Variants in PRKG1 observed in about 807,000 individuals in gnomAD.
The protein encoded by PRKG1 is protein kinase cGMP-dependent 1.
Under a neutral mutation model 88.1 loss-of-function variants are expected in PRKG1, and 35 were observed. The ratio of observed to expected loss-of-function variants is 0.40; its 90% CI spans 0.30 to 0.53. PRKG1 has a LOEUF of 0.53. PRKG1 is among the 20% of genes least tolerant of loss of function. PRKG1 has a pLI of 0.59. For missense variants in PRKG1, 540 were observed against 839.8 expected (o/e 0.64, Z 4.41); for synonymous variants, 303 against 292.5 (o/e 1.04, Z -0.37).
At chr10:52,184,974 C>T (rs1254331559) in intron 9 of PRKG1, 1 of 152,198 alleles carries the variant, frequency 6.6e-6, no homozygotes, top group Non-Finnish European at 1.5e-5. Context: ...AACCACATAT[C>T]AACATTAGAC....
intron 9 of PRKG1, among the ~76,000 whole-genome samples, chr10:52,176,211 A>G (rs1383637700): frequency 1.8e-5 from 2 of 112,900 alleles, no homozygotes; most frequent in Non-Finnish European, 3.5e-5. Flanking sequence ...TGAGAGGTGG[A>G]AGTCTAGTTT....
intron 3 of PRKG1, among the ~76,000 whole-genome samples, chr10:51,606,254 G>A (rs895661607): frequency 6.6e-6 from 1 of 151,948 alleles, no homozygotes; most frequent in Admixed American, 6.6e-5. Flanking sequence ...AGACTAATTG[G>A]GTAACTAGCA....
rs115959273 is a variant in PRKG1, at chr10:52,182,911, G to T, written c.1076+20948G>T. On this transcript the variant is annotated intron_variant, in intron 9 of 17. Coordinates refer to ENST00000373980, the MANE Select transcript of PRKG1 (RefSeq NM_006258.4). ...TTCTACCTGTACAAGTATGGCACTA[G>T]CACCTGCTTAGCTTTTAGTGAGGCC... 4.4e-3 allele frequency among the ~76,000 whole-genome samples: 665 copies of T among 152,302 alleles called. 4 individuals carry two copies. Among genetic ancestry groups the T allele is most frequent in the African/African-American group, 0.015 (629 of 41,566 alleles).
intron 7 of PRKG1, among the ~76,000 whole-genome samples, chr10:52,101,446 A>G (rs1847291498): frequency 6.6e-6 from 1 of 152,184 alleles, no homozygotes. Context: ...CTACTCATAT[A>G]TTGCCTAGGG....
At chr10:51,262,175 T>C (rs1157752133) in intron 2 of PRKG1, among the ~76,000 whole-genome samples, 1 of 152,256 alleles carries the variant, frequency 6.6e-6, no homozygotes, top group African/African-American at 2.4e-5. Context: ...CTTGAGCCAC[T>C]GTGCCCGGCC....
chr10:51,730,992 C>T (rs1309258470), intron 3 of PRKG1, among the ~76,000 whole-genome samples: 3 of 152,026 alleles, frequency 2.0e-5, no homozygotes, highest in Admixed American at 6.6e-5. Context: ...CCTGTCTCTA[C>T]TAAAAATATA....
chr10:51,650,878 T>C (rs1253510472), intron 3 of PRKG1, among the ~76,000 whole-genome samples: 1 of 152,176 alleles, frequency 6.6e-6, no homozygotes, highest in Non-Finnish European at 1.5e-5. Flanking sequence ...AGTTGCCTAC[T>C]GTGTAATCAC....
At chr10:51,601,859 T>C (rs1322217929) in intron 3 of PRKG1, among the ~76,000 whole-genome samples, 1 of 147,186 alleles carries the variant, frequency 6.8e-6, no homozygotes, top group Admixed American at 7.2e-5. Context: ...ATGTTATAAC[T>C]TGAGTGGATT....
intron 2 of PRKG1, among the ~76,000 whole-genome samples, chr10:51,291,964 CTT>C (rs1296819442): frequency 1.3e-5 from 2 of 152,118 alleles, no homozygotes; most frequent in Non-Finnish European, 1.5e-5. Flanking sequence ...ACCTAAAACA[CTT>C]TGATAATTTG....
At chr10:51,355,291 T>A (rs535822329) in intron 2 of PRKG1, among the ~76,000 whole-genome samples, 4 of 152,186 alleles carry the variant, frequency 2.6e-5, no homozygotes, top group Admixed American at 1.3e-4. Flanking sequence ...GACAACACCC[T>A]GGAAATGTTA....
intron 3 of PRKG1, among the ~76,000 whole-genome samples, chr10:51,763,434 T>A (rs10999332): frequency 0.45 from 67,699 of 151,504 alleles, 16,054 homozygotes; most frequent in African/African-American, 0.56. Flanking sequence ...TTAAAAAAAA[T>A]TTTTATAGAG....
intron 2 of PRKG1, among the ~76,000 whole-genome samples, chr10:51,268,816 T>G (rs1839903491): frequency 6.6e-6 from 1 of 152,174 alleles, no homozygotes; most frequent in South Asian, 2.1e-4. Flanking sequence ...GGGGAAGTGA[T>G]AGTTGTCCAT....
rs921467851 is a variant in PRKG1 at position 52,062,520 on chromosome 10, A to G, written c.841-17A>G. On this transcript the variant is annotated splice_polypyrimidine_tract_variant and intron_variant, in intron 6 of 17. Transcript: ENST00000373980. ...GGGTAAGCAGTGGATCTAAACTTTCATTGTTTCTCTTTGCAGGTAAATGTC... is the reference window on the plus strand; with the variant it reads ...GGGTAAGCAGTGGATCTAAACTTTCGTTGTTTCTCTTTGCAGGTAAATGTC... 20 of 1,524,482 alleles carry G rather than the reference A, an allele frequency of 1.3e-5. No individual in the cohort carries two copies. Among genetic ancestry groups the G allele is most frequent in the Non-Finnish European group, 1.5e-5 (17 of 1,124,528 alleles). 94.4% of individuals were successfully genotyped at this position (1,524,482 alleles called of 1,614,324 possible).
At chr10:51,979,423 T>TTG (rs1404621044) in intron 5 of PRKG1, among the ~76,000 whole-genome samples, 3 of 138,010 alleles carry the variant, frequency 2.2e-5, no homozygotes, top group African/African-American at 7.9e-5. Flanking sequence ...TTTTTTTTTT[T>TTG]TTTTTTTTTT....
At chr10:52,135,882 G>A (rs1194698782) in intron 8 of PRKG1, among the ~76,000 whole-genome samples, 2 of 151,992 alleles carry the variant, frequency 1.3e-5, no homozygotes, top group Non-Finnish European at 2.9e-5. Context: ...TGAAAGAATC[G>A]AGAAGAAGAT....
chr10:51,558,559 T>C (rs1258114614), intron 3 of PRKG1, among the ~76,000 whole-genome samples: 2 of 151,990 alleles, frequency 1.3e-5, no homozygotes, highest in Admixed American at 6.6e-5. Flanking sequence ...TCATCAATGG[T>C]AAAGTGAGTC....
chr10:51,091,379 C>T (rs1844394236), intron 1 of PRKG1, among the ~76,000 whole-genome samples: 1 of 152,118 alleles, frequency 6.6e-6, no homozygotes, highest in South Asian at 2.1e-4. Flanking sequence ...TGCAGTCAGT[C>T]CCTGCTCTAC....
chr10:51,997,023 A>T (rs1844463315), intron 5 of PRKG1, among the ~76,000 whole-genome samples: 1 of 152,190 alleles, frequency 6.6e-6, no homozygotes, highest in South Asian at 2.1e-4. Flanking sequence ...TGGCACAGAA[A>T]AAAGTACCAT....
chr10:51,081,647 G>A (rs1038536188), intron 1 of PRKG1, among the ~76,000 whole-genome samples: 1 of 152,212 alleles, frequency 6.6e-6, no homozygotes, highest in African/African-American at 2.4e-5. Context: ...AAAGCATCAA[G>A]AATTACACTG....
Sources: gnomAD v4.1 joint callset for allele counts (sites outside exome capture counted in the v4.1 genomes callset) on GRCh38, gnomAD v4.1.1 for gene constraint, MANE v1.5 for transcripts, NCBI Gene and HGNC (gene_info 2026-07-23, HGNC 2026-07-21) for gene names.